FBN1: variants seen among roughly 807,000 people sequenced by gnomAD.
The protein encoded by FBN1 is fibrillin 1.
A neutral mutation model predicts 365.1 loss-of-function variants in FBN1; 29 were observed. The ratio of observed to expected loss-of-function variants is 0.08; its 90% CI spans 0.06 to 0.11. FBN1 has a LOEUF of 0.11. FBN1 is among the 10% of genes least tolerant of loss of function. FBN1 has a pLI of 1.00. For missense variants in FBN1, 2,476 were observed against 3,703.2 expected, an observed-to-expected ratio of 0.67 and a Z score of 8.60; for synonymous variants, 1,210 against 1,270.5, an observed-to-expected ratio of 0.95 and a Z score of 1.01.
chr15:48,416,569 CAG>C (rs1297338235), intron 63 of FBN1: 1 of 152,380 alleles, frequency 6.6e-6, no homozygotes, highest in East Asian at 1.9e-4. Context: ...ACAAGTGAGA[CAG>C]AAGCTGCAGG....
chr15:48,455,791 T>C (rs568604644), intron 44 of FBN1, among the ~76,000 whole-genome samples: 2 of 152,356 alleles, frequency 1.3e-5, no homozygotes, highest in African/African-American at 4.8e-5. Context: ...GTTAGGACTA[T>C]AACTTTACTT....
At chr15:48,534,022 T>C in intron 8 of FBN1, 58 bp downstream of exon 8, 1 of 1,609,678 alleles carries the variant, frequency 6.2e-7, no homozygotes, top group Admixed American at 1.7e-5. Flanking sequence ...TTGTTTCTAA[T>C]GTTGAGTTTT....
In FBN1 at chr15:48,446,798, G is replaced by C; in HGVS notation, c.5696C>G (p.Ala1899Gly). The change falls in exon 47 of 66, where the codon GCC becomes GGC. Residue 1899 changes from alanine (A) to glycine (G), a missense_variant. By Grantham distance (60) the Ala-to-Gly change is moderately conservative. Transcript: ENST00000316623. Reference sequence around the variant, plus strand: ...GTTCCGGCAAGTTCCATTCCCACAGGCATCTCTTTCACATTCATTTATGTC... The same window carrying C: ...GTTCCGGCAAGTTCCATTCCCACAGCCATCTCTTTCACATTCATTTATGTC... ...CLDINECERD[A>G]CGNGTCRNTI... The C allele has an allele frequency of 6.2e-7, 1 of 1,611,092 alleles. No homozygotes were observed. The highest frequency in any genetic ancestry group is 1.1e-5 in the South Asian group (1 of 91,000).
intron 6 of FBN1, among the ~76,000 whole-genome samples, chr15:48,586,574 T>G (rs2044436810): frequency 6.6e-6 from 1 of 152,182 alleles, no homozygotes; most frequent in Admixed American, 6.5e-5. Flanking sequence ...AAGTTATCGG[T>G]ATTTAATGGG....
At chr15:48,499,091 A>T in intron 17 of FBN1, 53 bp from the exon 18 acceptor site, 1 of 1,573,536 alleles carries the variant, frequency 6.4e-7, no homozygotes, top group South Asian at 1.1e-5. Context: ...GAACAGGTAG[A>T]TCCTGCCCTT....
chr15:48,643,740 C>T (rs573447626), intron 2 of FBN1: 2 of 152,172 alleles, frequency 1.3e-5, no homozygotes, highest in African/African-American at 4.8e-5. Flanking sequence ...TAAAAGGGGT[C>T]ACTGACAGTC....
chr15:48,634,726 A>G (rs768495190), intron 2 of FBN1, among the ~76,000 whole-genome samples: 3 of 151,828 alleles, frequency 2.0e-5, no homozygotes, highest in Non-Finnish European at 4.4e-5. Flanking sequence ...AGCACAGCTT[A>G]TGAAATTACT....
chr15:48,571,092 C>G (rs1049083605), intron 6 of FBN1, among the ~76,000 whole-genome samples: 2 of 152,182 alleles, frequency 1.3e-5, no homozygotes, highest in African/African-American at 2.4e-5. Context: ...GGGACAAATG[C>G]TAGATTCCCA....
intron 29 of FBN1, 89 bp from the exon 30 acceptor site, chr15:48,485,585 AAC>A: frequency 7.0e-7 from 1 of 1,424,118 alleles, no homozygotes; most frequent in Non-Finnish European, 9.8e-7. Flanking sequence ...CTGCCATTGT[AAC>A]ACTATTTAAG....
intron 63 of FBN1, among the ~76,000 whole-genome samples, chr15:48,419,096 A>G (rs2042921274): frequency 6.6e-6 from 1 of 152,132 alleles, no homozygotes; most frequent in Non-Finnish European, 1.5e-5. Flanking sequence ...TGGGGAAGCT[A>G]TTTTAGCCCA....
intron 16 of FBN1, among the ~76,000 whole-genome samples, chr15:48,504,341 T>A (rs530305485): frequency 2.0e-5 from 3 of 152,360 alleles, no homozygotes; most frequent in Admixed American, 6.5e-5. Context: ...AAATGCGGCC[T>A]ATCCCAAAAT....
At chr15:48,443,076 T>C (rs187369160) in intron 49 of FBN1, among the ~76,000 whole-genome samples, 3 of 152,292 alleles carry the variant, frequency 2.0e-5, no homozygotes, top group Admixed American at 1.3e-4. Context: ...ATTCTAGAAA[T>C]GTGCAATGCC....
chr15:48,442,894 C>A (rs1362269974), intron 49 of FBN1, among the ~76,000 whole-genome samples: 1 of 152,104 alleles, frequency 6.6e-6, no homozygotes, highest in East Asian at 1.9e-4. Context: ...CAACAAAACA[C>A]AAAATATCCT....
intron 60 of FBN1, among the ~76,000 whole-genome samples, chr15:48,423,898 A>G (rs1242530116): frequency 1.3e-5 from 2 of 152,220 alleles, no homozygotes; most frequent in African/African-American, 4.8e-5. Flanking sequence ...GCACTCCTAA[A>G]GCCATAAAGA....
rs796608880 is a variant in FBN1, at chr15:48,428,072, TAC to T, written c.6997+272_6997+273del. On this transcript the variant is annotated intron_variant, in intron 57 of 65. Transcript: ENST00000316623. Reference sequence around the variant, plus strand: ...TTACAGACAGAGGGGCAGAGAAACATACGGAAGTGGATCCTGATCACCAAGGG... The same window carrying T: ...TTACAGACAGAGGGGCAGAGAAACATGGAAGTGGATCCTGATCACCAAGGG... 3.3e-4 allele frequency: 212 copies of T among 640,868 alleles called. 5 individuals carry two copies. The South Asian group carries it at 3.7e-3, about 11-fold the overall frequency. 39.7% of individuals were successfully genotyped at this position (640,868 alleles called of 1,614,324 possible). A position where few individuals can be genotyped will look rare whatever the true frequency, so the allele number is the denominator to read the frequency against.
At chr15:48,422,116 G>A in intron 60 of FBN1, 48 bp from the exon 61 acceptor site, 1 of 1,312,280 alleles carries the variant, frequency 7.6e-7, no homozygotes, top group Non-Finnish European at 1.1e-6. Context: ...AACAAAACAG[G>A]ATCAGGGAAG....
At position 48,549,469 on chromosome 15, in the gene FBN1, T is replaced by A. The variant is rs541132705; in HGVS notation, c.539-11661A>T. 2.6e-5 allele frequency among the ~76,000 whole-genome samples: 4 copies of A among 152,238 alleles called. No homozygotes were observed. In the East Asian group the frequency reaches 5.8e-4, roughly 22 times the overall value. ...AGAAAGAGTTGGAGAGAGCATTTGG[T>A]TTTTGCTTCCAGCCCTGGGTAAAGC... is the stretch of plus-strand genomic sequence containing the variant. On this transcript the variant is annotated intron_variant, in intron 6 of 65. Coordinates refer to ENST00000316623, the MANE Select transcript of FBN1 (RefSeq NM_000138.5).
At chr15:48,519,910 T>C (rs533133995) in intron 10 of FBN1, among the ~76,000 whole-genome samples, 1 of 152,200 alleles carries the variant, frequency 6.6e-6, no homozygotes, top group Non-Finnish European at 1.5e-5. Context: ...GAAATATTTT[T>C]GGACATCTTT....
At chr15:48,529,059 CAAGTT>C (rs1339538374) in intron 8 of FBN1, 29 of 152,248 alleles carry the variant, frequency 1.9e-4, no homozygotes, top group African/African-American at 6.7e-4. Context: ...TGAGGCATCC[CAAGTT>C]AAGAGGGAAT....
Sources: allele counts gnomAD v4.1 joint callset (sites outside exome capture counted in the v4.1 genomes callset), GRCh38; gene constraint gnomAD v4.1.1; transcripts MANE v1.5; gene names NCBI Gene and HGNC (gene_info 2026-07-23, HGNC 2026-07-21).